Variants in C8orf34 observed in about 807,000 individuals in gnomAD.
C8orf34 encodes the protein chromosome 8 open reading frame 34, also known as uncharacterized protein C8orf34.
In C8orf34, 65 loss-of-function variants were observed where a neutral mutation model predicts 68.3. The observed-to-expected ratio is 0.95, with a 90% CI of 0.78 to 1.17. C8orf34 has a LOEUF of 1.17. Ranked by LOEUF, C8orf34 falls within the 50% of genes most tolerant of loss-of-function variation. The pLI is 0.00. For missense variants in C8orf34, 664 were observed against 655.4 expected, an observed-to-expected ratio of 1.01 and a Z score of -0.14; for synonymous variants, 244 against 241.2, an observed-to-expected ratio of 1.01 and a Z score of -0.11.
intron 5 of C8orf34, among the ~76,000 whole-genome samples, chr8:68,516,816 A>G (rs893355551): frequency 1.3e-5 from 2 of 151,332 alleles, no homozygotes; most frequent in Non-Finnish European, 2.9e-5. Context: ...AATTTTTTTT[A>G]TTTTTAGTAG....
intron 8 of C8orf34, among the ~76,000 whole-genome samples, chr8:68,651,765 G>C (rs1380459588): frequency 6.6e-6 from 1 of 152,156 alleles, no homozygotes; most frequent in Non-Finnish European, 1.5e-5. Context: ...GGGAGGTTTG[G>C]CGAGGGTGAG....
At chr8:68,391,780 C>G (rs2243702) in intron 1 of C8orf34, among the ~76,000 whole-genome samples, 13,089 of 152,164 alleles carry the variant, frequency 0.086, 656 homozygotes, top group Middle Eastern at 0.12. Flanking sequence ...CCAGCCACCA[C>G]AGCAGAGGGA....
At chr8:68,715,654 AT>A (rs1024088676) in intron 9 of C8orf34, among the ~76,000 whole-genome samples, 5 of 145,064 alleles carry the variant, frequency 3.4e-5, no homozygotes, top group Non-Finnish European at 6.2e-5. Flanking sequence ...ACTATAAAAA[AT>A]AAAAAAAAAA....
chr8:68,470,557 C>A (rs1327715886), intron 4 of C8orf34, among the ~76,000 whole-genome samples: 1 of 152,044 alleles, frequency 6.6e-6, no homozygotes, highest in Non-Finnish European at 1.5e-5. Flanking sequence ...CTGGCTGTGG[C>A]CTTCCAGGTT....
intron 8 of C8orf34, among the ~76,000 whole-genome samples, chr8:68,674,220 A>G (rs1820109001): frequency 6.6e-6 from 1 of 151,906 alleles, no homozygotes; most frequent in African/African-American, 2.4e-5. Flanking sequence ...ATAAATATCT[A>G]ATTCTTCAAT....
At chr8:68,649,970 G>A (rs1819295624) in intron 8 of C8orf34, among the ~76,000 whole-genome samples, 1 of 151,722 alleles carries the variant, frequency 6.6e-6, no homozygotes, top group Non-Finnish European at 1.5e-5. Context: ...CTGAAAAAAA[G>A]TCTATTTCAA....
At chr8:68,746,776 T>C (rs1419279685) in intron 10 of C8orf34, among the ~76,000 whole-genome samples, 1 of 149,132 alleles carries the variant, frequency 6.7e-6, no homozygotes, top group African/African-American at 2.5e-5. Flanking sequence ...CAGGACCAGA[T>C]GGATTCACAG....
chr8:68,625,654 A>G (rs2130664907), intron 7 of C8orf34: 1 of 701,330 alleles, frequency 1.4e-6, no homozygotes, highest in South Asian at 1.5e-5. Flanking sequence ...GCGGTGGGAA[A>G]GGTATGTCAT....
At chr8:68,679,180 A>G (rs1820288167) in intron 8 of C8orf34, among the ~76,000 whole-genome samples, 1 of 151,912 alleles carries the variant, frequency 6.6e-6, no homozygotes, top group Non-Finnish European at 1.5e-5. Flanking sequence ...CCAGCTACTG[A>G]GGGGGCTGAG....
intron 10 of C8orf34, among the ~76,000 whole-genome samples, chr8:68,741,942 A>G (rs1454703662): frequency 6.6e-6 from 1 of 152,170 alleles, no homozygotes; most frequent in Non-Finnish European, 1.5e-5. Context: ...GAATTTTGAC[A>G]TGACATAACC....
In C8orf34 at chr8:68,606,674, T is replaced by A. The variant is rs180811208; in HGVS notation, c.1106-33702T>A. Among the ~76,000 whole-genome samples the A allele has an allele frequency of 2.6e-5, 4 of 152,232 alleles. No individual in the cohort carries two copies. In the East Asian group the frequency reaches 7.7e-4, roughly 29 times the overall value. The stretch of plus-strand genomic sequence containing the variant: ...TGATACCCTGCCTCCTAATCTTTAC[T>A]ATTTTTTGGGAAAATGCTGTAATGG... On this transcript the variant is annotated intron_variant, in intron 7 of 13. Coordinates refer to ENST00000518698, the MANE Select transcript of C8orf34 (RefSeq NM_052958.4).
At chr8:68,550,802 T>A (rs1816040113) in intron 7 of C8orf34, among the ~76,000 whole-genome samples, 10 of 151,724 alleles carry the variant, frequency 6.6e-5, no homozygotes, top group Admixed American at 6.6e-4. Context: ...GTGCTTTAAC[T>A]ATTTCACCCT....
At chr8:68,525,515 C>A (rs1014106177) in intron 6 of C8orf34, 1 of 768,366 alleles carries the variant, frequency 1.3e-6, no homozygotes, top group Non-Finnish European at 2.2e-6. Flanking sequence ...TGTATTACAT[C>A]CCTAGAAAAA....
In C8orf34 at chr8:68,340,155, C is replaced by T. The variant is rs149515628; in HGVS notation, c.327+8816C>T. Among the ~76,000 whole-genome samples, 1,197 of 152,036 alleles carry T rather than the reference C, an allele frequency of 7.9e-3. 19 individuals carry two copies. The highest frequency in any genetic ancestry group is 0.027 in the African/African-American group (1,101 of 41,506). On this transcript the variant is annotated intron_variant, in intron 1 of 13. Transcript: ENST00000518698. ...AGCAATTAGAACTTTTATATACTGA[C>T]AGTGGGAATGCAAAATGGTCCAACC...
intron 5 of C8orf34, among the ~76,000 whole-genome samples, chr8:68,507,174 T>A (rs1436278928): frequency 6.6e-6 from 1 of 152,218 alleles, no homozygotes; most frequent in East Asian, 1.9e-4. Flanking sequence ...TTCCTTGGCA[T>A]CTTGTATTTT....
At chr8:68,442,542 C>T (rs2591007) in intron 2 of C8orf34, among the ~76,000 whole-genome samples, 144,112 of 152,114 alleles carry the variant, frequency 0.95, 68,370 homozygotes, top group African/African-American at 0.99. Flanking sequence ...GTCTGAGAAG[C>T]AGAGAGCAAG....
intron 7 of C8orf34, among the ~76,000 whole-genome samples, chr8:68,566,462 A>G (rs1816591466): frequency 6.6e-6 from 1 of 152,208 alleles, no homozygotes. Context: ...GATCTTAGCT[A>G]GATCTTCTGG....
At chr8:68,772,785 CT>C (rs1347181910) in intron 10 of C8orf34, among the ~76,000 whole-genome samples, 2 of 138,610 alleles carry the variant, frequency 1.4e-5, no homozygotes, top group African/African-American at 2.7e-5. Context: ...TTCTTTCTTT[CT>C]TTCCCTCCCT....
chr8:68,695,812 T>C (rs1262570006), intron 8 of C8orf34: 1 of 152,090 alleles, frequency 6.6e-6, no homozygotes. Context: ...TTTTCTGTCA[T>C]CTATATAATC....
Sources: gnomAD v4.1 joint callset for allele counts (sites outside exome capture counted in the v4.1 genomes callset) on GRCh38, gnomAD v4.1.1 for gene constraint, MANE v1.5 for transcripts, NCBI Gene and HGNC (gene_info 2026-07-23, HGNC 2026-07-21) for gene names.